The following CCL26 variants were observed in gnomAD, a reference collection of about 807,000 sequenced individuals.
CCL26 encodes the protein C-C motif chemokine ligand 26.
Under a neutral mutation model 10.7 loss-of-function variants are expected in CCL26, and 10 were observed. The observed-to-expected ratio is 0.93, with a 90% CI of 0.57 to 1.58. The LOEUF (loss-of-function observed/expected upper bound fraction) is 1.58, where lower values mean the gene tolerates loss of function less well. CCL26 is among the 40% of genes most tolerant of loss of function. The probability of loss-of-function intolerance (pLI) is 0.00; values close to 1 mark genes in which losing one functional copy is unlikely to be tolerated. For missense variants in CCL26, 116 were observed against 111.0 expected (o/e 1.05, Z -0.20); for synonymous variants, 43 against 41.4 (o/e 1.04, Z -0.15).
rs868974041 is a variant in CCL26, at chr7:75,777,802, A to T, written c.-78-5548T>A. 6.2e-4 allele frequency among the ~76,000 whole-genome samples: 93 copies of T among 150,572 alleles called. No individual in the cohort carries two copies. The Middle Eastern group carries it at 0.01, about 17-fold the overall frequency. ...AGGATTCCACCTGTGTAAAGTACCA[A>T]ACCAAACAAGCAAAACTAATCTTTT... On this transcript the variant is annotated intron_variant, in intron 1 of 3. Transcript: ENST00000394905.
chr7:75,771,410 T>G (rs573097118), intron 2 of CCL26, among the ~76,000 whole-genome samples: 2 of 152,258 alleles, frequency 1.3e-5, no homozygotes, highest in African/African-American at 4.8e-5. Flanking sequence ...AGCTCTTACT[T>G]CACTGTGAGT....
upstream of CCL26, among the ~76,000 whole-genome samples, chr7:75,790,810 A>G (rs1016033267): frequency 6.6e-6 from 1 of 151,590 alleles, no homozygotes; most frequent in African/African-American, 2.4e-5. Flanking sequence ...CAGGTGTGAT[A>G]GTGAGTGCCT....
At chr7:75,778,738 T>G (rs1802996372) in intron 1 of CCL26, among the ~76,000 whole-genome samples, 1 of 151,768 alleles carries the variant, frequency 6.6e-6, no homozygotes, top group Admixed American at 6.6e-5. Flanking sequence ...GCTATTCCCC[T>G]GCATCAGCCT....
At chr7:75,785,326 C>G (rs187957251) in intron 1 of CCL26, among the ~76,000 whole-genome samples, 1 of 152,292 alleles carries the variant, frequency 6.6e-6, no homozygotes, top group South Asian at 2.1e-4. Flanking sequence ...CAGCCAAGCT[C>G]TTTCCCATGA....
chr7:75,774,116 A>G (rs1358048069), upstream of CCL26, among the ~76,000 whole-genome samples: 1 of 152,120 alleles, frequency 6.6e-6, no homozygotes, highest in Non-Finnish European at 1.5e-5. Flanking sequence ...ACCAGGCACA[A>G]CAGTCTGGAT....
chr7:75,789,130 C>T (rs1457822306), intron 1 of CCL26, among the ~76,000 whole-genome samples: 6 of 124,576 alleles, frequency 4.8e-5, no homozygotes, highest in African/African-American at 1.5e-4. Flanking sequence ...ATGTGGCGGG[C>T]GGGGGGGTCT....
upstream of CCL26, among the ~76,000 whole-genome samples, chr7:75,773,599 G>T (rs1175513968): frequency 2.6e-5 from 4 of 152,024 alleles, no homozygotes; most frequent in Non-Finnish European, 5.9e-5. Flanking sequence ...TGTGGGGCCA[G>T]TCACAGTGGC....
Position 75,779,571 on chromosome 7 carries a change from T to G in CCL26, c.-78-7317A>C, listed in dbSNP as rs147657524. On this transcript the variant is annotated intron_variant, in intron 1 of 3. Coordinates refer to the CCL26 transcript ENST00000394905. ...CTCTCTTCTCTTTATTTCAGTTCCT[T>G]TCCTTTTCTGGTAGAGACAAAGGAG... is the stretch of plus-strand genomic sequence containing the variant. 1.1e-3 allele frequency among the ~76,000 whole-genome samples: 160 copies of G among 152,342 alleles called. 2 individuals carry two copies. The East Asian group carries it at 0.027, about 26-fold the overall frequency.
intron 2 of CCL26, among the ~76,000 whole-genome samples, chr7:75,770,363 C>T (rs1441464406): frequency 6.6e-6 from 1 of 151,860 alleles, no homozygotes; most frequent in Non-Finnish European, 1.5e-5. Context: ...AGCCACCACG[C>T]CTAGCCTTTA....
At chr7:75,788,870 C>T (rs1248559780) in intron 1 of CCL26, among the ~76,000 whole-genome samples, 1 of 151,912 alleles carries the variant, frequency 6.6e-6, no homozygotes, top group Non-Finnish European at 1.5e-5. Flanking sequence ...CCTTTTAACC[C>T]TTGTGGAAAT....
At chr7:75,783,800 A>G (rs1022436005) in intron 1 of CCL26, among the ~76,000 whole-genome samples, 21 of 151,854 alleles carry the variant, frequency 1.4e-4, no homozygotes, top group South Asian at 2.1e-4. Flanking sequence ...AAAAAAAAAA[A>G]AAAGAAAGAA....
At chr7:75,775,526 G>A (rs1802918984), upstream of CCL26, among the ~76,000 whole-genome samples, 1 of 152,150 alleles carries the variant, frequency 6.6e-6, no homozygotes. Context: ...AGGGCATGGC[G>A]TGAGCAGCCA....
intron 1 of CCL26, among the ~76,000 whole-genome samples, chr7:75,784,765 A>C (rs1803145769): frequency 6.6e-6 from 1 of 151,794 alleles, no homozygotes; most frequent in South Asian, 2.1e-4. Context: ...CTTTTCCCCC[A>C]GTTCAAAGCC....
chr7:75,780,227 G>C (rs1803033130), intron 1 of CCL26, among the ~76,000 whole-genome samples: 1 of 150,740 alleles, frequency 6.6e-6, no homozygotes, highest in Non-Finnish European at 1.5e-5. Flanking sequence ...CCACTTTCCT[G>C]GGAGGCAAGC....
At chr7:75,779,644 G>A (rs566705246) in intron 1 of CCL26, among the ~76,000 whole-genome samples, 36 of 152,288 alleles carry the variant, frequency 2.4e-4, no homozygotes, top group East Asian at 3.9e-4. Context: ...TCATGGACTC[G>A]GGAAGACAGT....
At chr7:75,775,336 A>C (rs1342125828), upstream of CCL26, among the ~76,000 whole-genome samples, 1 of 152,168 alleles carries the variant, frequency 6.6e-6, no homozygotes, top group East Asian at 1.9e-4. Flanking sequence ...AGATAAAGGA[A>C]ATTGAGGCTT....
At chr7:75,771,118 T>G (rs1802811529) in intron 2 of CCL26, among the ~76,000 whole-genome samples, 1 of 147,336 alleles carries the variant, frequency 6.8e-6, no homozygotes, top group South Asian at 2.2e-4. Flanking sequence ...GAAGTCTCTC[T>G]GTGTTACCCA....
chr7:75,782,302 C>T (rs1160184958), intron 1 of CCL26, among the ~76,000 whole-genome samples: 3 of 152,112 alleles, frequency 2.0e-5, no homozygotes, highest in South Asian at 2.1e-4. Context: ...TTAATCATTG[C>T]GGGGACGCCT....
upstream of CCL26, among the ~76,000 whole-genome samples, chr7:75,776,849 G>A (rs117140329): frequency 0.017 from 2,662 of 152,236 alleles, 41 homozygotes; most frequent in Non-Finnish European, 0.024. Flanking sequence ...TGGGGGTGGG[G>A]TGGAAAACTA....
Sources: allele counts gnomAD v4.1 joint callset (sites outside exome capture counted in the v4.1 genomes callset), GRCh38; gene constraint gnomAD v4.1.1; transcripts MANE v1.5; gene names NCBI Gene and HGNC (gene_info 2026-07-23, HGNC 2026-07-21).